Variants in SLC14A2 observed in about 807,000 individuals in gnomAD.
SLC14A2 encodes urea transporter 2.
SLC14A2 carries 91 observed loss-of-function variants against 104.6 expected under a neutral mutation model. That is an observed-to-expected ratio of 0.87 (90% CI 0.73 to 1.04). The LOEUF (loss-of-function observed/expected upper bound fraction) is 1.04, where lower values mean the gene tolerates loss of function less well. Among genes scored for constraint, SLC14A2 ranks in the 50% least tolerant of loss-of-function variants. The probability of loss-of-function intolerance (pLI) is 0.00; values close to 1 mark genes in which losing one functional copy is unlikely to be tolerated. For synonymous variants in SLC14A2, 476 were observed against 466.4 expected (o/e 1.02, Z -0.27); for missense variants, 1,189 against 1,156.0 (o/e 1.03, Z -0.41).
At chr18:45,275,732 A>G (rs74487680) in intron 1 of SLC14A2, among the ~76,000 whole-genome samples, 1,957 of 152,334 alleles carry the variant, frequency 0.013, 27 homozygotes, top group Non-Finnish European at 0.02. Context: ...AGTCTCATTA[A>G]AGAGAGTAAT....
chr18:45,220,451 A>C (rs2084050528), intron 1 of SLC14A2, among the ~76,000 whole-genome samples: 1 of 152,224 alleles, frequency 6.6e-6, no homozygotes, highest in African/African-American at 2.4e-5. Flanking sequence ...TTTAGCAAAC[A>C]AAAAATGTTG....
intron 1 of SLC14A2, among the ~76,000 whole-genome samples, chr18:45,383,596 T>TC (rs1222144708): frequency 6.6e-6 from 1 of 152,156 alleles, no homozygotes; most frequent in Non-Finnish European, 1.5e-5. Context: ...TGTTAGGCTC[T>TC]CCCCTCCCTT....
rs151168285 is a variant in SLC14A2 at position 45,569,195 on chromosome 18, C to CTATT, written c.-34-55430_-34-55427dup. Among the ~76,000 whole-genome samples the CTATT allele has an allele frequency of 2.9e-3, 440 of 152,278 alleles. 2 individuals are homozygous for CTATT. The highest frequency in any genetic ancestry group is 4.9e-3 in the Non-Finnish European group (336 of 68,022). On this transcript the variant is annotated intron_variant, in intron 2 of 20. Coordinates refer to the SLC14A2 transcript ENST00000586448. ...CTTCTCAACACAGAGCTTCAATCTT[C>CTATT]TATTTATTTCTATCTTCACCCATCC...
chr18:45,665,254 A>G (rs1459118857), intron 11 of SLC14A2, among the ~76,000 whole-genome samples: 7 of 152,156 alleles, frequency 4.6e-5, no homozygotes, highest in Non-Finnish European at 7.4e-5. Context: ...CTGAAAACAC[A>G]GGGTAGTCAG....
In SLC14A2 at chr18:45,451,293, G is replaced by A. The variant is rs1398793305; in HGVS notation, c.-124-31940G>A. 3.9e-5 allele frequency among the ~76,000 whole-genome samples: 6 copies of A among 152,044 alleles called. No homozygotes were observed. The South Asian group carries it at 6.2e-4, about 16-fold the overall frequency. On this transcript the variant is annotated intron_variant, in intron 1 of 20. Transcript: ENST00000586448. ...CCTGTCCCTAAGAGAGGGGGTTCTC[G>A]GGGAGCAAGAAGTTGAAGATACACT...
intron 18 of SLC14A2, among the ~76,000 whole-genome samples, chr18:45,675,703 ATATATATTTTT>A (rs1364757716): frequency 1.5e-5 from 1 of 65,420 alleles, no homozygotes; most frequent in African/African-American, 5.6e-5. Flanking sequence ...ATATATATAT[ATATATATTTTT>A]TTTTTTTTTT....
intron 1 of SLC14A2, among the ~76,000 whole-genome samples, chr18:45,353,639 T>C (rs2085523335): frequency 1.3e-5 from 2 of 152,180 alleles, no homozygotes; most frequent in African/African-American, 4.8e-5. Context: ...TCCCACCACA[T>C]CGTTAAGCCT....
At chr18:45,201,982 A>T in the SLC14A2 span, among the ~76,000 whole-genome samples, 1 of 152,166 alleles carries the variant, frequency 6.6e-6, no homozygotes, top group African/African-American at 2.4e-5. Flanking sequence ...TCTAATAATG[A>T]ATTATCAAGT....
intron 1 of SLC14A2, among the ~76,000 whole-genome samples, chr18:45,364,268 A>G (rs1359960716): frequency 6.6e-6 from 1 of 152,190 alleles, no homozygotes; most frequent in Non-Finnish European, 1.5e-5. Context: ...TATGCTTAGA[A>G]GGCAATTAAT....
intron 2 of SLC14A2, among the ~76,000 whole-genome samples, chr18:45,497,542 C>A (rs2043121105): frequency 6.6e-6 from 1 of 152,194 alleles, no homozygotes; most frequent in Non-Finnish European, 1.5e-5. Flanking sequence ...GGTGGCCAGA[C>A]AAGGCCTCTC....
At chr18:45,255,455 T>C (rs1278956479) in intron 1 of SLC14A2, among the ~76,000 whole-genome samples, 4 of 152,190 alleles carry the variant, frequency 2.6e-5, no homozygotes, top group Non-Finnish European at 5.9e-5. Flanking sequence ...GGGGCTCCAT[T>C]GTCCAGCATT....
At chr18:45,422,182 CTG>C (rs1357546312) in intron 1 of SLC14A2, among the ~76,000 whole-genome samples, 2 of 152,144 alleles carry the variant, frequency 1.3e-5, no homozygotes, top group Non-Finnish European at 2.9e-5. Context: ...TGTTGGAAGA[CTG>C]TCAATCTGGC....
At chr18:45,263,985 C>T (rs2084566102) in intron 1 of SLC14A2, among the ~76,000 whole-genome samples, 1 of 152,144 alleles carries the variant, frequency 6.6e-6, no homozygotes. Flanking sequence ...ACTCCTAAGT[C>T]CCCTCAGCAG....
At chr18:45,420,544 C>A (rs1196121908) in intron 1 of SLC14A2, among the ~76,000 whole-genome samples, 1 of 151,964 alleles carries the variant, frequency 6.6e-6, no homozygotes, top group Admixed American at 6.6e-5. Context: ...ATGATACTAC[C>A]CTGTTTCTGC....
chr18:45,227,390 G>T (rs2084130337), intron 1 of SLC14A2, among the ~76,000 whole-genome samples: 1 of 152,188 alleles, frequency 6.6e-6, no homozygotes, highest in Non-Finnish European at 1.5e-5. Context: ...CACAGACTTG[G>T]TAATTTATAA....
At chr18:45,593,629 A>G (rs1002407287) in intron 2 of SLC14A2, among the ~76,000 whole-genome samples, 1 of 150,470 alleles carries the variant, frequency 6.6e-6, no homozygotes, top group South Asian at 2.1e-4. Context: ...TGCTGGGACT[A>G]CAGGTGCCTG....
At chr18:45,513,581 C>T (rs1019615854) in intron 2 of SLC14A2, among the ~76,000 whole-genome samples, 2 of 152,070 alleles carry the variant, frequency 1.3e-5, no homozygotes, top group African/African-American at 4.8e-5. Context: ...CATAGAAGTT[C>T]GAATGTAGCC....
intron 1 of SLC14A2, among the ~76,000 whole-genome samples, chr18:45,237,255 A>G (rs1028697047): frequency 6.6e-6 from 1 of 152,210 alleles, no homozygotes; most frequent in African/African-American, 2.4e-5. Flanking sequence ...ATTTGACAGA[A>G]GTTCTTGGAT....
At chr18:45,183,124 CT>C in the SLC14A2 span, among the ~76,000 whole-genome samples, 1 of 152,128 alleles carries the variant, frequency 6.6e-6, no homozygotes, top group African/African-American at 2.4e-5. Flanking sequence ...GATGAGGGTA[CT>C]GTTTGCGCTG....
Sources: gnomAD v4.1 joint callset for allele counts (sites outside exome capture counted in the v4.1 genomes callset) on GRCh38, gnomAD v4.1.1 for gene constraint, MANE v1.5 for transcripts, NCBI Gene and HGNC (gene_info 2026-07-23, HGNC 2026-07-21) for gene names.